XKR6: variants seen among roughly 807,000 people sequenced by gnomAD.
XKR6 encodes the protein XK-related protein 6.
XKR6 carries 22 observed loss-of-function variants against 56.7 expected under a neutral mutation model. That is an observed-to-expected ratio of 0.39 (90% CI 0.28 to 0.55). XKR6 has a LOEUF of 0.55. XKR6 is among the 20% of genes least tolerant of loss of function. The pLI is 0.66. For synonymous variants in XKR6, 524 were observed against 387.8 expected, an observed-to-expected ratio of 1.35 and a Z score of -4.13; for missense variants, 852 against 889.0, an observed-to-expected ratio of 0.96 and a Z score of 0.53.
intron 1 of XKR6, among the ~76,000 whole-genome samples, chr8:10,998,204 T>C (rs1798158484): frequency 6.6e-6 from 1 of 151,740 alleles, no homozygotes; most frequent in African/African-American, 2.4e-5. Context: ...CAGCTAGCCT[T>C]GCACAAGGCA....
intron 1 of XKR6, among the ~76,000 whole-genome samples, chr8:10,983,089 A>G (rs544320941): frequency 2.6e-5 from 4 of 152,378 alleles, no homozygotes; most frequent in Non-Finnish European, 1.5e-5. Flanking sequence ...GAACAAAAAT[A>G]TTCTCAGAGT....
At chr8:11,113,396 G>C (rs948539558) in intron 1 of XKR6, among the ~76,000 whole-genome samples, 1 of 151,836 alleles carries the variant, frequency 6.6e-6, no homozygotes, top group Non-Finnish European at 1.5e-5. Flanking sequence ...ACCCAAAAAA[G>C]TTTTACTAAA....
rs556093735 is a variant in XKR6, at chr8:11,075,765, C to A, written c.764+124811G>T. On this transcript the variant is annotated intron_variant, in intron 1 of 2. Transcript: ENST00000416569. Reference sequence around the variant, plus strand: ...GTGAGCACCTGTAGTCCCAGCTATTCGTGAGGCTGAGGCAGGAGAATCACT... The same window carrying A: ...GTGAGCACCTGTAGTCCCAGCTATTAGTGAGGCTGAGGCAGGAGAATCACT... 4.7e-4 allele frequency among the ~76,000 whole-genome samples: 71 copies of A among 152,176 alleles called. 2 individuals carry two copies. The South Asian group carries it at 0.014, about 29-fold the overall frequency.
intron 1 of XKR6, among the ~76,000 whole-genome samples, chr8:11,021,524 T>A (rs1798748816): frequency 6.6e-6 from 1 of 152,100 alleles, no homozygotes; most frequent in Non-Finnish European, 1.5e-5. Context: ...CACAATTCAT[T>A]AGTAGCTTCT....
Position 11,139,912 on chromosome 8 carries a change from T to G in XKR6, c.764+60664A>C, listed in dbSNP as rs535608769. Among the ~76,000 whole-genome samples, 29 of 152,028 alleles carry G rather than the reference T, an allele frequency of 1.9e-4. No homozygotes were observed. In the East Asian group the frequency reaches 5.6e-3, roughly 29 times the overall value. ...GAAAGCACACTGAAGAAAATACAATTCAAACTGAGCTAAAGTATGTGAAAA... is the reference window on the plus strand; with the variant it reads ...GAAAGCACACTGAAGAAAATACAATGCAAACTGAGCTAAAGTATGTGAAAA... On this transcript the variant is annotated intron_variant, in intron 1 of 2. Transcript: ENST00000416569.
chr8:11,022,929 C>G (rs541749042), intron 1 of XKR6, among the ~76,000 whole-genome samples: 4 of 152,190 alleles, frequency 2.6e-5, no homozygotes, highest in Non-Finnish European at 4.4e-5. Flanking sequence ...AACTCAAGGC[C>G]GTGACCCACA....
intron 1 of XKR6, among the ~76,000 whole-genome samples, chr8:11,082,792 C>A (rs1797767043): frequency 6.6e-6 from 1 of 152,236 alleles, no homozygotes; most frequent in South Asian, 2.1e-4. Context: ...CGAACACTCT[C>A]CTGAGCAGGA....
At chr8:11,049,498 C>T (rs184159622) in intron 1 of XKR6, among the ~76,000 whole-genome samples, 8 of 152,236 alleles carry the variant, frequency 5.3e-5, no homozygotes, top group South Asian at 2.1e-4. Context: ...GGTGGCTGTA[C>T]GTGAAGACCT....
At chr8:11,024,299 G>A (rs1002562518) in intron 1 of XKR6, among the ~76,000 whole-genome samples, 2 of 141,348 alleles carry the variant, frequency 1.4e-5, no homozygotes, top group Non-Finnish European at 3.0e-5. Context: ...CATGACTTTG[G>A]GTTATTGACT....
At chr8:11,047,796 TA>T (rs978158590) in intron 1 of XKR6, among the ~76,000 whole-genome samples, 21 of 152,292 alleles carry the variant, frequency 1.4e-4, no homozygotes, top group African/African-American at 4.1e-4. Context: ...TATTTTACCA[TA>T]AAAAAATTGG....
chr8:10,992,212 G>T (rs1798008770), intron 1 of XKR6, among the ~76,000 whole-genome samples: 1 of 152,150 alleles, frequency 6.6e-6, no homozygotes, highest in African/African-American at 2.4e-5. Context: ...CAAATTAATA[G>T]ATGGTGGTAA....
At position 10,898,478 on chromosome 8, in the gene XKR6, T is replaced by C; in HGVS notation, c.1400A>G (p.Glu467Gly). Residue 467 changes from glutamate (E) to glycine (G), a missense_variant, in exon 3 of 3, where the codon GAG (glutamate) becomes GGG (glycine). Physicochemically the swap from Glu to Gly is moderately conservative, Grantham distance 98. Coordinates refer to ENST00000416569, the MANE Select transcript of XKR6 (RefSeq NM_173683.4). This position sits in a 1 kb window ranked among gnomAD's most constrained non-coding sequence, Gnocchi z 6.6. ...TFLWYFYRDPETTDSYAVPAL... is the reference protein window; with the variant it reads ...TFLWYFYRDPGTTDSYAVPAL... ...TGGCACCGCATAGGAGTCAGTGGTC[T>C]CCGGGTCTCTGTAAAAATACCAAAG... is the stretch of plus-strand genomic sequence containing the variant. 6.2e-7 allele frequency: 1 copy of C among 1,613,938 alleles called. No homozygotes were observed.
At chr8:11,064,092 C>T (rs1297830927) in intron 1 of XKR6, among the ~76,000 whole-genome samples, 1 of 152,172 alleles carries the variant, frequency 6.6e-6, no homozygotes, top group Non-Finnish European at 1.5e-5. Context: ...TCATGTATCA[C>T]TTCCTCGTGT....
intron 1 of XKR6, among the ~76,000 whole-genome samples, chr8:11,094,474 G>A (rs1798205760): frequency 6.6e-6 from 1 of 152,198 alleles, no homozygotes; most frequent in Non-Finnish European, 1.5e-5. Context: ...ACAGGCCAGA[G>A]CCACTACACC....
At chr8:10,944,511 C>T (rs754596141) in intron 1 of XKR6, among the ~76,000 whole-genome samples, 2 of 152,212 alleles carry the variant, frequency 1.3e-5, no homozygotes, top group Non-Finnish European at 2.9e-5. Flanking sequence ...GTGCCCCACA[C>T]CCACACACAA....
At chr8:11,169,326 G>C (rs917361266) in intron 1 of XKR6, among the ~76,000 whole-genome samples, 81 of 152,200 alleles carry the variant, frequency 5.3e-4, no homozygotes, top group African/African-American at 1.9e-3. Context: ...CTCACAATGA[G>C]AGACTGCTAC....
intron 1 of XKR6, among the ~76,000 whole-genome samples, chr8:11,199,815 G>A (rs1368871708): frequency 2.0e-5 from 3 of 152,182 alleles, no homozygotes; most frequent in East Asian, 3.9e-4. Context: ...CTTACACACT[G>A]GCCTGGCTAC....
At chr8:10,943,780 C>T (rs1007300012) in intron 1 of XKR6, among the ~76,000 whole-genome samples, 2 of 152,110 alleles carry the variant, frequency 1.3e-5, no homozygotes, top group Non-Finnish European at 2.9e-5. Context: ...GCTTTTACGC[C>T]AGGGCACTAT....
intron 1 of XKR6, among the ~76,000 whole-genome samples, chr8:11,191,423 G>C (rs1461490881): frequency 6.6e-6 from 1 of 152,164 alleles, no homozygotes; most frequent in African/African-American, 2.4e-5. Flanking sequence ...TTTATATAAA[G>C]AAATCTGGCA....
Sources: gnomAD v4.1 joint callset for allele counts (sites outside exome capture counted in the v4.1 genomes callset) on GRCh38, gnomAD v4.1.1 for gene constraint, Gnocchi (gnomAD v3.1) non-coding constraint, MANE v1.5 for transcripts, NCBI Gene and HGNC (gene_info 2026-07-23, HGNC 2026-07-21) for gene names.